Variants in NME5 observed in about 807,000 individuals in gnomAD.
The protein encoded by NME5 is nucleoside diphosphate kinase 5.
Under a neutral mutation model 21.6 loss-of-function variants are expected in NME5, and 18 were observed. The observed-to-expected ratio is 0.83, with a 90% CI of 0.58 to 1.24. The LOEUF is 1.24. Among genes scored for constraint, NME5 ranks in the 50% most tolerant of loss-of-function variants. The pLI, the probability that NME5 is intolerant of heterozygous loss-of-function variation, is 0.00. For synonymous variants in NME5, 70 were observed against 80.6 expected (o/e 0.87, Z 0.71); for missense variants, 223 against 255.4 (o/e 0.87, Z 0.86).
intron 4 of NME5, among the ~76,000 whole-genome samples, chr5:138,126,509 TCAAAAAA>T (rs1751429364): frequency 8.4e-5 from 1 of 11,968 alleles, no homozygotes; most frequent in African/African-American, 2.5e-4. Flanking sequence ...AGAATCTATC[TCAAAAAA>T]AAAAAAAAAA....
chr5:138,124,905 T>G (rs1408841370), intron 4 of NME5, among the ~76,000 whole-genome samples: 1 of 152,184 alleles, frequency 6.6e-6, no homozygotes, highest in Non-Finnish European at 1.5e-5. Context: ...AAGTTTTCTC[T>G]CATCCTTGTT....
chr5:138,123,436 G>C (rs1275319219), intron 4 of NME5, among the ~76,000 whole-genome samples: 5 of 152,014 alleles, frequency 3.3e-5, no homozygotes, highest in African/African-American at 1.2e-4. Flanking sequence ...AGTTTTTTTA[G>C]ATTCCACATA....
In NME5 at chr5:138,127,699, T is replaced by TAG. The variant is rs910589874; in HGVS notation, c.436+779_436+780insCT. On this transcript the variant is annotated intron_variant, in intron 4 of 5. Transcript: ENST00000265191. ...GTCCACTTCTCAAAGGTTTACAACT[T>TAG]CTCTAACAGTAAGGAAACAAAAAAA... 3.0e-6 allele frequency: 3 copies of TAG among 984,762 alleles called. No individual in the cohort carries two copies. In the African/African-American group the frequency reaches 5.2e-5, roughly 17 times the overall value. The allele number at this position is 984,762 out of a possible 1,614,324, so 61.0% of individuals were successfully genotyped here. A position where few individuals can be genotyped will look rare whatever the true frequency, so the allele number is the denominator to read the frequency against.
At chr5:138,124,548 G>A (rs904862545) in intron 4 of NME5, among the ~76,000 whole-genome samples, 5 of 151,936 alleles carry the variant, frequency 3.3e-5, no homozygotes, top group African/African-American at 1.2e-4. Context: ...TATTGAGAGG[G>A]TCTCACTCTG....
At chr5:138,134,118 G>T (rs1751635967) in intron 2 of NME5, among the ~76,000 whole-genome samples, 2 of 152,020 alleles carry the variant, frequency 1.3e-5, no homozygotes, top group South Asian at 4.2e-4. Flanking sequence ...GTTTTTTCTG[G>T]TCTCAGTACA....
intron 4 of NME5, among the ~76,000 whole-genome samples, chr5:138,121,445 G>A (rs975907417): frequency 6.6e-6 from 1 of 152,062 alleles, no homozygotes; most frequent in African/African-American, 2.4e-5. Context: ...AAATAGAATG[G>A]TTGTATGGAT....
chr5:138,138,630 A>T, intron 2 of NME5, 22 bp downstream of exon 2: 1 of 1,597,794 alleles, frequency 6.3e-7, no homozygotes, highest in Non-Finnish European at 8.5e-7. Flanking sequence ...AAAAAGCATG[A>T]ATCATCATAC....
At chr5:138,125,412 T>A (rs1317144967) in intron 4 of NME5, among the ~76,000 whole-genome samples, 1 of 151,968 alleles carries the variant, frequency 6.6e-6, no homozygotes, top group East Asian at 1.9e-4. Flanking sequence ...ACCCCATCTC[T>A]ACAAAAAAAT....
chr5:138,116,839 G>C (rs552650657), intron 5 of NME5, among the ~76,000 whole-genome samples: 7 of 152,092 alleles, frequency 4.6e-5, no homozygotes, highest in Non-Finnish European at 1.0e-4. Context: ...AATGAATAAA[G>C]TTGGACCCCT....
chr5:138,125,660 G>T (rs1482605633), intron 4 of NME5, among the ~76,000 whole-genome samples: 2 of 152,146 alleles, frequency 1.3e-5, no homozygotes, highest in Non-Finnish European at 2.9e-5. Context: ...TGTCACCCAG[G>T]CTGGAGTACA....
chr5:138,137,611 C>T lies in NME5; in HGVS notation c.129+1041G>A, dbSNP rs182052181. 3.7e-3 allele frequency among the ~76,000 whole-genome samples: 564 copies of T among 151,806 alleles called. 3 individuals carry two copies. The highest frequency in any genetic ancestry group is 0.013 in the African/African-American group (536 of 41,388). ...GATTACAGGCGTGAGCCACCGTACC[C>T]GCCATTTTCTCTTTATTTTTAAAAA... is the stretch of plus-strand genomic sequence containing the variant. On this transcript the variant is annotated intron_variant, in intron 2 of 5. Transcript: ENST00000265191.
intron 2 of NME5, among the ~76,000 whole-genome samples, chr5:138,136,633 CT>C (rs1287597483): frequency 6.6e-6 from 1 of 151,636 alleles, no homozygotes; most frequent in Non-Finnish European, 1.5e-5. Context: ...TTTATATAAT[CT>C]TTTTTTAAAT....
chr5:138,126,530 A>G (rs1014327429), intron 4 of NME5, among the ~76,000 whole-genome samples: 2 of 150,334 alleles, frequency 1.3e-5, no homozygotes, highest in Admixed American at 1.3e-4. Context: ...AAAAAAAAAA[A>G]AAAAAAGAAA....
rs770150480 is a variant in NME5 at position 138,115,729 on chromosome 5, A to T, written c.591T>A (p.Pro197=). The T allele has an allele frequency of 1.3e-6, 2 of 1,585,976 alleles. No homozygotes were observed. The highest frequency in any genetic ancestry group is 1.7e-6 in the Non-Finnish European group (2 of 1,172,062). Residue 197 remains proline, a synonymous_variant, in exon 6 of 6, where the codon CCT becomes CCA. Transcript: ENST00000265191. ...GATGGTGACAAAGTTTGGGTTTGTT[A>T]GGATTATTTTTCAGCAGCCAATCAG... The part of the protein sequence containing the change: ...WLADWLLKNN[P]NKPKLCHHPI...
intron 4 of NME5, among the ~76,000 whole-genome samples, chr5:138,120,035 G>A (rs1162205834): frequency 6.6e-6 from 1 of 151,602 alleles, no homozygotes; most frequent in Admixed American, 6.6e-5. Context: ...CTCCTGGGCT[G>A]AAGCATCCTC....
intron 2 of NME5, among the ~76,000 whole-genome samples, chr5:138,134,233 C>G (rs900434363): frequency 1.3e-5 from 2 of 151,998 alleles, no homozygotes; most frequent in African/African-American, 4.8e-5. Flanking sequence ...CGCCACCACG[C>G]CCAGCTGATT....
chr5:138,123,822 C>A (rs1406747901), intron 4 of NME5, among the ~76,000 whole-genome samples: 2 of 152,010 alleles, frequency 1.3e-5, no homozygotes, highest in Non-Finnish European at 2.9e-5. Flanking sequence ...ATAGTGGCAG[C>A]ACCATTTTTA....
At chr5:138,137,135 A>T (rs979978886) in intron 2 of NME5, among the ~76,000 whole-genome samples, 1 of 151,890 alleles carries the variant, frequency 6.6e-6, no homozygotes, top group Admixed American at 6.6e-5. Context: ...ATAATACTTG[A>T]TCCAAATTTT....
intron 2 of NME5, among the ~76,000 whole-genome samples, chr5:138,130,360 G>A (rs1751532716): frequency 6.6e-6 from 1 of 152,090 alleles, no homozygotes; most frequent in Non-Finnish European, 1.5e-5. Context: ...CAGCCTGGGC[G>A]ATAAAGCAGA....
Sources: allele counts gnomAD v4.1 joint callset (sites outside exome capture counted in the v4.1 genomes callset), GRCh38; gene constraint gnomAD v4.1.1; transcripts MANE v1.5; gene names NCBI Gene and HGNC (gene_info 2026-07-23, HGNC 2026-07-21).